RBPJ: variants seen among roughly 807,000 people sequenced by gnomAD.
The protein encoded by RBPJ is recombining binding protein suppressor of hairless.
Under a neutral mutation model 67.8 loss-of-function variants are expected in RBPJ, and 9 were observed. The observed-to-expected ratio is 0.13, with a 90% CI of 0.08 to 0.23. The LOEUF is 0.23. Ranked by LOEUF, RBPJ falls within the 10% of genes least tolerant of loss-of-function variation. RBPJ has a pLI of 1.00. For missense variants in RBPJ, 305 were observed against 595.6 expected (o/e 0.51, Z 5.08); for synonymous variants, 198 against 203.3 (o/e 0.97, Z 0.22).
intron 1 of RBPJ, among the ~76,000 whole-genome samples, chr4:26,259,993 C>T (rs1413604435): frequency 6.6e-6 from 1 of 152,194 alleles, no homozygotes; most frequent in Non-Finnish European, 1.5e-5. Context: ...AATTTCATGT[C>T]ATGATAGGGG....
chr4:26,383,619 A>T (rs1730532833), intron 1 of RBPJ, among the ~76,000 whole-genome samples: 1 of 152,226 alleles, frequency 6.6e-6, no homozygotes, highest in Admixed American at 6.5e-5. Context: ...TATTTTAAAG[A>T]GTATCTTAAA....
At chr4:26,221,660 T>G (rs979734250) in intron 1 of RBPJ, among the ~76,000 whole-genome samples, 11 of 152,136 alleles carry the variant, frequency 7.2e-5, no homozygotes, top group Non-Finnish European at 1.6e-4. Flanking sequence ...GAAGAAACAA[T>G]ACTTACAAAG....
At chr4:26,276,272 C>CAAAAAA (rs767611317) in intron 1 of RBPJ, among the ~76,000 whole-genome samples, 1 of 64,326 alleles carries the variant, frequency 1.6e-5, no homozygotes, top group African/African-American at 5.0e-5. Flanking sequence ...GACTCCATCT[C>CAAAAAA]AAAAAAAAAA....
At chr4:26,131,756 T>G in the RBPJ span, among the ~76,000 whole-genome samples, 1 of 152,208 alleles carries the variant, frequency 6.6e-6, no homozygotes, top group East Asian at 1.9e-4. Flanking sequence ...TTTGACCCAG[T>G]GAAACTGACT....
upstream of RBPJ, among the ~76,000 whole-genome samples, chr4:26,318,293 G>A (rs891455556): frequency 6.6e-6 from 1 of 152,108 alleles, no homozygotes; most frequent in African/African-American, 2.4e-5. Flanking sequence ...ATAATGCCAG[G>A]CTAAGGCTGG....
intron 1 of RBPJ, among the ~76,000 whole-genome samples, chr4:26,164,100 T>C (rs778142516): frequency 6.1e-5 from 9 of 148,374 alleles, no homozygotes; most frequent in African/African-American, 7.8e-5. Flanking sequence ...TGGTAGGTGA[T>C]ACTGATCACG....
chr4:26,182,345 A>C (rs186879448), intron 1 of RBPJ, among the ~76,000 whole-genome samples: 10 of 152,112 alleles, frequency 6.6e-5, no homozygotes, highest in Non-Finnish European at 1.2e-4. Context: ...CCGTCTCAAA[A>C]AAACAAACAA....
intron 1 of RBPJ, among the ~76,000 whole-genome samples, chr4:26,378,106 C>T (rs1729947445): frequency 6.6e-6 from 1 of 152,046 alleles, no homozygotes; most frequent in African/African-American, 2.4e-5. Context: ...GCCAGTTCCT[C>T]AGTTTTTTGT....
intron 1 of RBPJ, among the ~76,000 whole-genome samples, chr4:26,197,162 C>T (rs913559620): frequency 1.3e-5 from 2 of 152,124 alleles, no homozygotes; most frequent in African/African-American, 4.8e-5. Context: ...AGTAAGTGGA[C>T]TTCAACCAAG....
chr4:26,321,593 C>T (rs888138830), intron 1 of RBPJ: 1 of 152,830 alleles, frequency 6.5e-6, no homozygotes, highest in East Asian at 1.9e-4. Flanking sequence ...GTGCCACACT[C>T]TTGTCGTTAG....
At chr4:26,344,957 A>G (rs1372340909) in intron 1 of RBPJ, among the ~76,000 whole-genome samples, 1 of 152,220 alleles carries the variant, frequency 6.6e-6, no homozygotes, top group African/African-American at 2.4e-5. Context: ...TGCTGCTTAA[A>G]ATGAGCTGCT....
intron 1 of RBPJ, among the ~76,000 whole-genome samples, chr4:26,304,898 C>G (rs1248986228): frequency 6.6e-6 from 1 of 151,232 alleles, no homozygotes; most frequent in Non-Finnish European, 1.5e-5. Flanking sequence ...GTTTTTGTGT[C>G]ATATCTAAGA....
intron 2 of RBPJ, among the ~76,000 whole-genome samples, chr4:26,395,958 T>C (rs1732077400): frequency 6.6e-6 from 1 of 152,206 alleles, no homozygotes; most frequent in African/African-American, 2.4e-5. Context: ...TGGATTATGG[T>C]TAAAGTTTCT....
intron 1 of RBPJ, among the ~76,000 whole-genome samples, chr4:26,325,931 C>A (rs1474936119): frequency 6.6e-6 from 1 of 152,134 alleles, no homozygotes; most frequent in Non-Finnish European, 1.5e-5. Flanking sequence ...GTATTAAATG[C>A]TGTATATAAT....
At chr4:26,161,202 A>G (rs1362615334), upstream of RBPJ, among the ~76,000 whole-genome samples, 1 of 152,190 alleles carries the variant, frequency 6.6e-6, no homozygotes, top group Non-Finnish European at 1.5e-5. Flanking sequence ...CTATGTGATC[A>G]AGCTTGGGGT....
At chr4:26,244,455 A>ATG (rs1227251408) in intron 1 of RBPJ, among the ~76,000 whole-genome samples, 1 of 100,794 alleles carries the variant, frequency 9.9e-6, no homozygotes, top group Admixed American at 1.0e-4. Flanking sequence ...GTATACATAT[A>ATG]TGTGTGTATA....
At chr4:26,185,443 A>G (rs1461061654) in intron 1 of RBPJ, among the ~76,000 whole-genome samples, 1 of 152,214 alleles carries the variant, frequency 6.6e-6, no homozygotes, top group Non-Finnish European at 1.5e-5. Flanking sequence ...GGAAATCGTA[A>G]GAGCATTTTG....
intron 1 of RBPJ, among the ~76,000 whole-genome samples, chr4:26,191,556 C>T (rs548729536): frequency 1.0e-3 from 154 of 152,208 alleles, no homozygotes; most frequent in African/African-American, 3.3e-3. Context: ...GAAGCAAAAT[C>T]AGCAAAGGAG....
chr4:26,294,755 G>C (rs541384402), intron 1 of RBPJ, among the ~76,000 whole-genome samples: 1 of 151,944 alleles, frequency 6.6e-6, no homozygotes, highest in Non-Finnish European at 1.5e-5. Flanking sequence ...GGTGGTGTGT[G>C]CCTGTAATCC....
Sources: gnomAD v4.1 joint callset for allele counts (sites outside exome capture counted in the v4.1 genomes callset) on GRCh38, gnomAD v4.1.1 for gene constraint, MANE v1.5 for transcripts, NCBI Gene and HGNC (gene_info 2026-07-23, HGNC 2026-07-21) for gene names.